The following GPHN variants were observed in gnomAD, a reference collection of about 807,000 sequenced individuals.
GPHN encodes the protein gephyrin.
In GPHN, 17 loss-of-function variants were observed where a neutral mutation model predicts 95.5. That is an observed-to-expected ratio of 0.18 (90% CI 0.12 to 0.27). The LOEUF is 0.27. GPHN is among the 10% of genes least tolerant of loss of function. GPHN has a pLI of 1.00. For missense variants in GPHN, 660 were observed against 978.1 expected (o/e 0.67, Z 4.34); for synonymous variants, 320 against 322.5 (o/e 0.99, Z 0.08).
At chr14:67,023,778 T>C (rs1232617952) in intron 10 of GPHN, 103 bp downstream of exon 10, 1 of 908,612 alleles carries the variant, frequency 1.1e-6, no homozygotes, top group Non-Finnish European at 1.8e-6. Context: ...GGAATATTTA[T>C]GTGACAAATA....
the GPHN span, chr14:67,323,617 T>TAG: frequency 1.2e-5 from 2 of 169,028 alleles, no homozygotes; most frequent in South Asian, 3.8e-4. Flanking sequence ...CTTAATCTAA[T>TAG]ATATATATAT....
At chr14:67,657,624 C>CACACACACACACACA in the GPHN span, among the ~76,000 whole-genome samples, 1 of 143,166 alleles carries the variant, frequency 7.0e-6, no homozygotes, top group South Asian at 2.1e-4. Flanking sequence ...ACACACACAC[C>CACACACACACACACA]CAAAATCAAA....
chr14:66,535,448 C>G (rs145388290), intron 1 of GPHN, among the ~76,000 whole-genome samples: 1 of 151,882 alleles, frequency 6.6e-6, no homozygotes, highest in African/African-American at 2.4e-5. Flanking sequence ...GGTGGGTATA[C>G]TCTATCCTTT....
intron 11 of GPHN, among the ~76,000 whole-genome samples, chr14:67,060,601 A>T (rs1048163575): frequency 2.0e-5 from 3 of 152,252 alleles, no homozygotes; most frequent in Admixed American, 6.5e-5. Context: ...CTGTATTTGC[A>T]AAGATGAATA....
intron 1 of GPHN, among the ~76,000 whole-genome samples, chr14:66,654,723 T>C (rs1218520262): frequency 2.6e-5 from 4 of 152,214 alleles, no homozygotes; most frequent in Non-Finnish European, 5.9e-5. Context: ...TAAAAATTCC[T>C]TGTCTAGCAC....
the GPHN span, chr14:67,593,643 TAA>T: frequency 1.5e-6 from 1 of 674,340 alleles, no homozygotes; most frequent in East Asian, 2.7e-5. Context: ...CTTTTAAATA[TAA>T]GTCTCACTTT....
intron 9 of GPHN, among the ~76,000 whole-genome samples, chr14:66,972,480 G>T (rs2069875067): frequency 6.6e-6 from 1 of 151,658 alleles, no homozygotes; most frequent in East Asian, 1.9e-4. Context: ...TAGCTATTCA[G>T]CTTACAACTC....
chr14:67,119,162 T>C (rs1264174049), intron 16 of GPHN, among the ~76,000 whole-genome samples: 1 of 152,208 alleles, frequency 6.6e-6, no homozygotes, highest in Non-Finnish European at 1.5e-5. Flanking sequence ...CATGATCTTA[T>C]CTTAAAGTAT....
chr14:67,556,256 C>T, the GPHN span, among the ~76,000 whole-genome samples: 1 of 152,174 alleles, frequency 6.6e-6, no homozygotes, highest in African/African-American at 2.4e-5. Context: ...AGCTGGACCA[C>T]TTGGAATGCG....
chr14:66,725,472 TTTTG>T lies in GPHN; in HGVS notation c.143+44303_143+44306del, dbSNP rs754202959. 8.5e-5 allele frequency among the ~76,000 whole-genome samples: 13 copies of T among 152,220 alleles called. No homozygotes were observed. In the East Asian group the frequency reaches 1.2e-3, roughly 14 times the overall value. ...CAAGTGAGGACAGGACAGATAGTGT[TTTTG>T]TTTGTTTGTTTGTTTTGTTTGTTTT... On this transcript the variant is annotated intron_variant, in intron 2 of 22. Transcript: ENST00000478722.
chr14:67,157,020 T>G (rs2081632622), intron 18 of GPHN, among the ~76,000 whole-genome samples: 1 of 151,682 alleles, frequency 6.6e-6, no homozygotes, highest in South Asian at 2.1e-4. Flanking sequence ...GACTGAATCC[T>G]TCAGTTAAAA....
the GPHN span, chr14:67,387,476 A>G: frequency 1.6e-5 from 26 of 1,591,208 alleles, no homozygotes; most frequent in South Asian, 2.3e-5. Context: ...AAAAAGGGGG[A>G]AAAAAATCAG....
chr14:66,818,464 G>C (rs2061065556), intron 3 of GPHN, among the ~76,000 whole-genome samples: 1 of 152,150 alleles, frequency 6.6e-6, no homozygotes, highest in African/African-American at 2.4e-5. Context: ...AGTATTGCAT[G>C]GAGCATAGGT....
intron 21 of GPHN, among the ~76,000 whole-genome samples, chr14:67,170,234 T>G (rs2082521029): frequency 6.6e-6 from 1 of 152,172 alleles, no homozygotes; most frequent in South Asian, 2.1e-4. Flanking sequence ...CTCCTTTTCT[T>G]AAAATTTCAT....
chr14:66,715,323 A>G (rs1159709440), intron 2 of GPHN, among the ~76,000 whole-genome samples: 1 of 151,772 alleles, frequency 6.6e-6, no homozygotes, highest in East Asian at 1.9e-4. Flanking sequence ...CAGTTGTAGT[A>G]TCTCCCGTTT....
chr14:67,385,150 C>T, the GPHN span: 19 of 151,982 alleles, frequency 1.3e-4, no homozygotes, highest in Non-Finnish European at 2.2e-4. Context: ...ACTGATACCA[C>T]GAGGAAAAGA....
the GPHN span, among the ~76,000 whole-genome samples, chr14:67,469,565 T>C: frequency 6.8e-6 from 1 of 146,652 alleles, no homozygotes; most frequent in Non-Finnish European, 1.5e-5. Context: ...GGTTTACAGG[T>C]GTGAGCCACC....
the GPHN span, chr14:67,574,193 C>T: frequency 1.3e-6 from 2 of 1,509,496 alleles, no homozygotes; most frequent in Non-Finnish European, 1.8e-6. This position sits in a 1 kb window ranked among gnomAD's most constrained non-coding sequence, Gnocchi z 4.2. Context: ...GTCCTGGTTA[C>T]TCCATTCTCC....
chr14:67,117,522 A>AG (rs1250071400), intron 16 of GPHN, among the ~76,000 whole-genome samples: 1 of 152,166 alleles, frequency 6.6e-6, no homozygotes, highest in East Asian at 1.9e-4. Flanking sequence ...TTGTACCTAA[A>AG]GTCCTCAACA....
Sources: gnomAD v4.1 joint callset for allele counts (sites outside exome capture counted in the v4.1 genomes callset) on GRCh38, gnomAD v4.1.1 for gene constraint, Gnocchi (gnomAD v3.1) non-coding constraint, MANE v1.5 for transcripts, NCBI Gene and HGNC (gene_info 2026-07-23, HGNC 2026-07-21) for gene names.